Variants in NBEA observed in about 807,000 individuals in gnomAD.
NBEA encodes lysosomal-trafficking regulator 2.
In NBEA, 44 loss-of-function variants were observed where a neutral mutation model predicts 343.4. The ratio of observed to expected loss-of-function variants is 0.13; its 90% CI spans 0.10 to 0.16. NBEA has a LOEUF of 0.16. Ranked by LOEUF, NBEA falls within the 10% of genes least tolerant of loss-of-function variation. The probability of loss-of-function intolerance (pLI) is 1.00; values close to 1 mark genes in which losing one functional copy is unlikely to be tolerated. For missense variants in NBEA, 2,555 were observed against 3,631.3 expected (o/e 0.70, Z 7.62); for synonymous variants, 1,175 against 1,238.7 (o/e 0.95, Z 1.08).
intron 36 of NBEA, among the ~76,000 whole-genome samples, chr13:35,344,041 C>T (rs2039738745): frequency 6.6e-6 from 1 of 151,980 alleles, no homozygotes. Context: ...GATCATAACA[C>T]AAGTCTTACC....
chr13:35,407,993 C>A (rs2043364221), intron 38 of NBEA, among the ~76,000 whole-genome samples: 1 of 152,136 alleles, frequency 6.6e-6, no homozygotes, highest in African/African-American at 2.4e-5. Context: ...AGATTCTTCA[C>A]AGAACTAGAA....
chr13:35,274,393 C>T (rs756257445), intron 34 of NBEA, among the ~76,000 whole-genome samples: 16 of 152,062 alleles, frequency 1.1e-4, no homozygotes, highest in Admixed American at 2.0e-4. Context: ...TATGACAAAC[C>T]GATAGCTAAT....
chr13:35,615,139 AAAAAC>A (rs1333059110), intron 48 of NBEA, among the ~76,000 whole-genome samples: 34 of 148,846 alleles, frequency 2.3e-4, no homozygotes, highest in Middle Eastern at 3.4e-3. Context: ...CAAAAAAAAA[AAAAAC>A]AAAAAAAAAT....
At chr13:35,414,224 C>G (rs1192676904) in intron 38 of NBEA, among the ~76,000 whole-genome samples, 1 of 136,574 alleles carries the variant, frequency 7.3e-6, no homozygotes, top group Non-Finnish European at 1.6e-5. Flanking sequence ...ATAGTCACAT[C>G]TACAGTTACT....
At chr13:35,013,731 A>C (rs192378538) in intron 1 of NBEA, among the ~76,000 whole-genome samples, 1 of 152,130 alleles carries the variant, frequency 6.6e-6, no homozygotes, top group Non-Finnish European at 1.5e-5. Flanking sequence ...GCCCTCCCAA[A>C]GTGCTGGGAT....
intron 6 of NBEA, among the ~76,000 whole-genome samples, chr13:35,051,653 A>G (rs1052445505): frequency 5.3e-5 from 8 of 152,118 alleles, no homozygotes; most frequent in Admixed American, 3.9e-4. Context: ...TTTAATACAA[A>G]TTGATTATTT....
chr13:35,476,840 A>C (rs2075894767), intron 41 of NBEA: 1 of 1,007,456 alleles, frequency 9.9e-7, no homozygotes, highest in Non-Finnish European at 1.2e-6. Context: ...AACTAAAGGT[A>C]GGAGGCTGCT....
At chr13:35,066,488 T>C (rs1158804146) in intron 8 of NBEA, among the ~76,000 whole-genome samples, 1 of 152,176 alleles carries the variant, frequency 6.6e-6, no homozygotes, top group Non-Finnish European at 1.5e-5. Flanking sequence ...TGGGTGCACA[T>C]ATGTTTACAA....
intron 9 of NBEA, 91 bp from the exon 10 acceptor site, chr13:35,070,628 T>G: frequency 8.5e-7 from 1 of 1,176,206 alleles, no homozygotes; most frequent in Non-Finnish European, 1.1e-6. Context: ...AAGTATGTTA[T>G]TTAATTCTAT....
intron 49 of NBEA, among the ~76,000 whole-genome samples, chr13:35,642,444 T>C (rs56771427): frequency 0.051 from 7,712 of 152,292 alleles, 372 homozygotes; most frequent in East Asian, 0.24. Flanking sequence ...ATATACATTA[T>C]ACATGCTCAT....
intron 58 of NBEA, 26 bp downstream of exon 58, chr13:35,668,545 A>T: frequency 6.5e-7 from 1 of 1,549,202 alleles, no homozygotes; most frequent in Non-Finnish European, 8.7e-7. Context: ...GACAAGTATC[A>T]TCACTGAGAA....
Position 35,290,569 on chromosome 13 carries a change from C to G in NBEA, c.5838+119C>G, listed in dbSNP as rs1594094506. On this transcript the variant is annotated intron_variant, in intron 35 of 58. Transcript: ENST00000379939. The stretch of plus-strand genomic sequence containing the variant: ...TATTTTTAAAATTTCCATCTATTAT[C>G]CCATAGATGGAGAAAATAATTTATG... 2.6e-5 allele frequency: 16 copies of G among 620,974 alleles called. No individual in the cohort carries two copies. In the East Asian group the frequency reaches 4.8e-4, roughly 18 times the overall value. The allele number at this position is 620,974 out of a possible 1,614,324, so 38.5% of individuals were successfully genotyped here. A position where few individuals can be genotyped will look rare whatever the true frequency, so the allele number is the denominator to read the frequency against.
chr13:35,374,203 A>AT (rs11374402), intron 38 of NBEA, among the ~76,000 whole-genome samples: 44,269 of 151,910 alleles, frequency 0.29, 8,309 homozygotes, highest in African/African-American at 0.54. Context: ...TGATTTCAGT[A>AT]TTTTTTGCCT....
At chr13:35,377,084 A>G (rs960668068) in intron 38 of NBEA, among the ~76,000 whole-genome samples, 1 of 152,234 alleles carries the variant, frequency 6.6e-6, no homozygotes, top group Non-Finnish European at 1.5e-5. Flanking sequence ...TGTGTTCTGC[A>G]ATATTTTATT....
intron 45 of NBEA, among the ~76,000 whole-genome samples, chr13:35,569,946 A>G (rs1487371983): frequency 6.6e-6 from 1 of 152,226 alleles, no homozygotes; most frequent in Non-Finnish European, 1.5e-5. Flanking sequence ...GTAGGAAAAA[A>G]TGAGTTAAAA....
intron 36 of NBEA, among the ~76,000 whole-genome samples, chr13:35,316,127 T>C (rs1173798215): frequency 6.6e-6 from 1 of 152,096 alleles, no homozygotes; most frequent in African/African-American, 2.4e-5. Flanking sequence ...TCTAATATTA[T>C]ACTTTAAGTT....
chr13:35,215,062 G>C (rs2073991712), intron 33 of NBEA, among the ~76,000 whole-genome samples: 1 of 151,282 alleles, frequency 6.6e-6, no homozygotes, highest in South Asian at 2.1e-4. Context: ...TTTATATTAA[G>C]TTTTGAAAGA....
intron 21 of NBEA, among the ~76,000 whole-genome samples, chr13:35,158,079 A>G (rs1366758033): frequency 6.6e-6 from 1 of 152,188 alleles, no homozygotes; most frequent in East Asian, 1.9e-4. Flanking sequence ...ATGAATGATC[A>G]TGGCTTTGTT....
chr13:35,413,286 C>G (rs2043700141), intron 38 of NBEA, among the ~76,000 whole-genome samples: 1 of 152,130 alleles, frequency 6.6e-6, no homozygotes, highest in Non-Finnish European at 1.5e-5. Flanking sequence ...AATTCATGCA[C>G]AGAAGTCCTG....
Sources: gnomAD v4.1 joint callset for allele counts (sites outside exome capture counted in the v4.1 genomes callset) on GRCh38, gnomAD v4.1.1 for gene constraint, MANE v1.5 for transcripts, NCBI Gene and HGNC (gene_info 2026-07-23, HGNC 2026-07-21) for gene names.